Variants in NTRK3 observed in about 807,000 individuals in gnomAD.
The protein encoded by NTRK3 is neurotrophic receptor tyrosine kinase 3.
In NTRK3, 24 loss-of-function variants were observed where a neutral mutation model predicts 91.7. The observed-to-expected ratio is 0.26, with a 90% CI of 0.19 to 0.37. NTRK3 has a LOEUF of 0.37. Ranked by LOEUF, NTRK3 falls within the 10% of genes least tolerant of loss-of-function variation. The pLI, the probability that NTRK3 is intolerant of heterozygous loss-of-function variation, is 1.00. For synonymous variants in NTRK3, 483 were observed against 404.0 expected (o/e 1.20, Z -2.34); for missense variants, 880 against 1,068.9 (o/e 0.82, Z 2.46).
intron 3 of NTRK3, among the ~76,000 whole-genome samples, chr15:88,223,415 C>T (rs183980602): frequency 5.9e-4 from 90 of 152,304 alleles, no homozygotes; most frequent in African/African-American, 2.0e-3. Context: ...GAAGGAGCAG[C>T]TGGCAGGCGA....
exon 19 of NTRK3, chr15:87,865,635 A>T (rs1205474081): frequency 9.2e-6 from 2 of 218,562 alleles, no homozygotes; most frequent in Non-Finnish European, 1.8e-5. Flanking sequence ...ATTTATAGAG[A>T]AAGTTTCACA....
At chr15:87,906,522 A>G (rs893490053) in intron 17 of NTRK3, among the ~76,000 whole-genome samples, 1 of 152,180 alleles carries the variant, frequency 6.6e-6, no homozygotes, top group Non-Finnish European at 1.5e-5. Flanking sequence ...CAGACAAGGT[A>G]TCCTTCCAGT....
chr15:88,083,035 C>T (rs998772415), intron 13 of NTRK3, among the ~76,000 whole-genome samples: 10 of 152,144 alleles, frequency 6.6e-5, no homozygotes, highest in African/African-American at 2.2e-4. Flanking sequence ...TGGATGACTG[C>T]GGGTGGGAAA....
At chr15:87,875,700 T>G (rs534759722) in exon 19 of NTRK3, 2 of 232,898 alleles carry the variant, frequency 8.6e-6, no homozygotes, top group Admixed American at 1.1e-4. Flanking sequence ...GATTCTCCCC[T>G]GCTGGCTCTC....
At chr15:88,136,643 C>G (rs1217770919) in intron 7 of NTRK3, 34 bp from the exon 8 acceptor site, 1 of 1,603,762 alleles carries the variant, frequency 6.2e-7, no homozygotes. Context: ...AAAAGACAGG[C>G]AAACACTTAC....
chr15:88,163,582 T>C (rs890745178), intron 5 of NTRK3, among the ~76,000 whole-genome samples: 3 of 152,208 alleles, frequency 2.0e-5, no homozygotes, highest in African/African-American at 7.2e-5. Context: ...TCCCTCTAGT[T>C]GTCTTCTTGA....
exon 19 of NTRK3, chr15:87,870,807 T>C (rs113180538): frequency 9.4e-5 from 21 of 223,574 alleles, no homozygotes; most frequent in African/African-American, 4.5e-4. Flanking sequence ...AACAGGCCTT[T>C]CCTCACCTCT....
chr15:87,888,625 T>C (rs2065680881), intron 17 of NTRK3, among the ~76,000 whole-genome samples: 1 of 152,188 alleles, frequency 6.6e-6, no homozygotes, highest in Non-Finnish European at 1.5e-5. Context: ...TAAATGCTTT[T>C]ACTAATTTGC....
intron 13 of NTRK3, among the ~76,000 whole-genome samples, chr15:88,114,387 G>T (rs1396854525): frequency 2.0e-5 from 3 of 152,006 alleles, no homozygotes; most frequent in African/African-American, 7.3e-5. Context: ...TTTTTCCTAG[G>T]TATGTGTATA....
chr15:88,162,275 A>G (rs1301513033), intron 5 of NTRK3, among the ~76,000 whole-genome samples: 1 of 152,228 alleles, frequency 6.6e-6, no homozygotes, highest in Non-Finnish European at 1.5e-5. Context: ...CTGAAATGGG[A>G]GCAAAATCTC....
intron 3 of NTRK3, among the ~76,000 whole-genome samples, chr15:88,224,348 C>T (rs1002980203): frequency 1.3e-5 from 2 of 152,168 alleles, no homozygotes; most frequent in Non-Finnish European, 2.9e-5. Flanking sequence ...GTCGTGAGAA[C>T]GCTATTTCCC....
intron 13 of NTRK3, among the ~76,000 whole-genome samples, chr15:88,114,673 T>C (rs1331575738): frequency 6.6e-6 from 1 of 152,206 alleles, no homozygotes; most frequent in African/African-American, 2.4e-5. Flanking sequence ...CAGGGAAACA[T>C]ATCCTTGCAT....
intron 5 of NTRK3, among the ~76,000 whole-genome samples, chr15:88,154,044 GAACT>G (rs2043651281): frequency 7.6e-6 from 1 of 131,682 alleles, no homozygotes. Flanking sequence ...TTCTAGACCA[GAACT>G]AATTAAGAAT....
chr15:88,135,143 T>A (rs1173054054), exon 10 of NTRK3: 2 of 1,614,270 alleles, frequency 1.2e-6, no homozygotes, highest in South Asian at 2.2e-5. Flanking sequence ...ATGGTCTGGT[T>A]GGCTGTGCCC....
chr15:88,190,961 C>A (rs1025897661), intron 3 of NTRK3, among the ~76,000 whole-genome samples: 8 of 152,212 alleles, frequency 5.3e-5, no homozygotes, highest in Non-Finnish European at 8.8e-5. Context: ...CATACATGCA[C>A]ATGCATACAG....
chr15:87,979,199 G>A (rs887263294), intron 14 of NTRK3: 15 of 733,902 alleles, frequency 2.0e-5, no homozygotes, highest in African/African-American at 7.0e-5. Flanking sequence ...ATCTGGTGGT[G>A]TTAAAGGGTG....
rs183620815 is a variant in NTRK3 at position 88,147,463 on chromosome 15, G to A, written c.396-60C>T. Reference sequence around the variant, plus strand: ...CAAGTCTGGCACAAATAATGCTCTAGGTAGTAAGCTTAATCATTTCACTGG... The same window carrying A: ...CAAGTCTGGCACAAATAATGCTCTAAGTAGTAAGCTTAATCATTTCACTGG... On this transcript the variant is annotated intron_variant, in intron 5 of 18. Coordinates refer to ENST00000394480, the Ensembl canonical transcript of NTRK3. 3.6e-6 allele frequency: 5 copies of A among 1,385,014 alleles called. No homozygotes were observed. The African/African-American group carries it at 5.7e-5, about 16-fold the overall frequency. The allele number at this position is 1,385,014 out of a possible 1,614,324, so 85.8% of individuals were successfully genotyped here. A position where few individuals can be genotyped will look rare whatever the true frequency, so the allele number is the denominator to read the frequency against.
intron 5 of NTRK3, among the ~76,000 whole-genome samples, chr15:88,174,556 T>C (rs1031396042): frequency 3.3e-5 from 5 of 152,180 alleles, no homozygotes; most frequent in African/African-American, 9.7e-5. Context: ...TTCCAAATGC[T>C]GTTCCCTTGG....
intron 13 of NTRK3, among the ~76,000 whole-genome samples, chr15:88,113,563 G>A (rs960265121): frequency 7.9e-5 from 12 of 152,030 alleles, no homozygotes; most frequent in South Asian, 4.1e-4. Context: ...TGATCCAGCC[G>A]CCTCAGCCTC....
Sources: allele counts gnomAD v4.1 joint callset (sites outside exome capture counted in the v4.1 genomes callset), GRCh38; gene constraint gnomAD v4.1.1; transcripts MANE v1.5; gene names NCBI Gene and HGNC (gene_info 2026-07-23, HGNC 2026-07-21).